The following NPAS3 variants were observed in gnomAD, a reference collection of about 807,000 sequenced individuals.
NPAS3 encodes neuronal PAS domain-containing protein 3.
A neutral mutation model predicts 73.1 loss-of-function variants in NPAS3; 14 were observed. The observed-to-expected ratio is 0.19, with a 90% CI of 0.13 to 0.30. The LOEUF (loss-of-function observed/expected upper bound fraction) is 0.30, where lower values mean the gene tolerates loss of function less well. NPAS3 is among the 10% of genes least tolerant of loss of function. The probability of loss-of-function intolerance (pLI) is 1.00; values close to 1 mark genes in which losing one functional copy is unlikely to be tolerated. For missense variants in NPAS3, 1,096 were observed against 1,250.0 expected (o/e 0.88, Z 1.86); for synonymous variants, 620 against 541.5 (o/e 1.14, Z -2.01).
At chr14:33,369,247 C>G (rs1353719122) in intron 4 of NPAS3, among the ~76,000 whole-genome samples, 1 of 151,906 alleles carries the variant, frequency 6.6e-6, no homozygotes, top group Non-Finnish European at 1.5e-5. Flanking sequence ...CCGACCTAGA[C>G]AGCTGGATGC....
intron 4 of NPAS3, among the ~76,000 whole-genome samples, chr14:33,439,864 C>T (rs2049160023): frequency 6.6e-6 from 1 of 152,108 alleles, no homozygotes; most frequent in Admixed American, 6.5e-5. Context: ...GCCTGTAATC[C>T]CAGCACTTTG....
chr14:33,037,452 C>CTGGA (rs538252062), intron 1 of NPAS3, among the ~76,000 whole-genome samples: 36 of 149,392 alleles, frequency 2.4e-4, no homozygotes, highest in Admixed American at 1.2e-3. Flanking sequence ...TGAGACCAGC[C>CTGGA]TGGACAACAT....
At chr14:33,567,279 G>C (rs2056003391) in intron 5 of NPAS3, among the ~76,000 whole-genome samples, 1 of 152,166 alleles carries the variant, frequency 6.6e-6, no homozygotes, top group Non-Finnish European at 1.5e-5. Context: ...AATTCTGAGT[G>C]AACAAGACGT....
At chr14:33,076,331 T>C (rs2041657668) in intron 2 of NPAS3, among the ~76,000 whole-genome samples, 1 of 152,198 alleles carries the variant, frequency 6.6e-6, no homozygotes, top group Admixed American at 6.5e-5. Flanking sequence ...TATTTTCCCA[T>C]AGATACCATG....
At chr14:33,102,553 A>G (rs1279334) in intron 2 of NPAS3, among the ~76,000 whole-genome samples, 49,456 of 152,102 alleles carry the variant, frequency 0.33, 8,500 homozygotes, top group East Asian at 0.44. Flanking sequence ...TAAGTGCCCA[A>G]TAAATGTTAA....
At chr14:33,063,311 A>T (rs1403612089) in intron 2 of NPAS3, among the ~76,000 whole-genome samples, 3 of 152,240 alleles carry the variant, frequency 2.0e-5, no homozygotes, top group Non-Finnish European at 4.4e-5. Context: ...CTTAGGTATG[A>T]TTATTACCAC....
At chr14:33,063,449 C>A (rs1405123463) in intron 2 of NPAS3, among the ~76,000 whole-genome samples, 1 of 152,068 alleles carries the variant, frequency 6.6e-6, no homozygotes. Flanking sequence ...CTACCCCCAA[C>A]CCCCCAGTTT....
At chr14:32,938,923 C>T (rs1181589302), upstream of NPAS3, among the ~76,000 whole-genome samples, 1 of 145,696 alleles carries the variant, frequency 6.9e-6, no homozygotes, top group African/African-American at 2.5e-5. Flanking sequence ...GGAGCCGGGG[C>T]GGCCCGGGCC....
At chr14:33,525,001 T>A (rs566808043) in intron 4 of NPAS3, among the ~76,000 whole-genome samples, 2 of 152,232 alleles carry the variant, frequency 1.3e-5, no homozygotes, top group East Asian at 3.9e-4. Flanking sequence ...TTAATGGGGG[T>A]TAGTACTTTA....
At chr14:33,073,984 T>C (rs1257745341) in intron 2 of NPAS3, among the ~76,000 whole-genome samples, 2 of 152,256 alleles carry the variant, frequency 1.3e-5, no homozygotes, top group Non-Finnish European at 2.9e-5. Context: ...TGTCATCTCC[T>C]GACTTGTGAA....
chr14:33,149,291 C>T (rs954811251), intron 2 of NPAS3, among the ~76,000 whole-genome samples: 2 of 152,192 alleles, frequency 1.3e-5, no homozygotes, highest in African/African-American at 4.8e-5. Context: ...CCGAAGTGTT[C>T]ATCATTCCTG....
chr14:33,291,739 T>G (rs761046894), intron 3 of NPAS3, among the ~76,000 whole-genome samples: 104 of 152,358 alleles, frequency 6.8e-4, no homozygotes, highest in Non-Finnish European at 2.6e-4. Flanking sequence ...CACAATCATG[T>G]CAACCTGTGA....
intron 3 of NPAS3, among the ~76,000 whole-genome samples, chr14:33,246,537 C>CAAAAAAA (rs56270689): frequency 1.9e-5 from 2 of 103,204 alleles, no homozygotes; most frequent in Non-Finnish European, 1.9e-5. Context: ...GACTTCATCT[C>CAAAAAAA]AAAAAAAAAA....
chr14:33,802,338 T>C (rs1305652637), downstream of NPAS3: 2 of 135,110 alleles, frequency 1.5e-5, no homozygotes, highest in Non-Finnish European at 1.6e-5. Flanking sequence ...GTTAATAAGC[T>C]TCAGACAGAT....
intron 4 of NPAS3, among the ~76,000 whole-genome samples, chr14:33,475,959 C>T (rs2051012387): frequency 6.6e-6 from 1 of 152,164 alleles, no homozygotes; most frequent in Non-Finnish European, 1.5e-5. Context: ...GGACTAGAGC[C>T]TCACTTCCCG....
chr14:33,046,391 C>T (rs1388813530), intron 1 of NPAS3, among the ~76,000 whole-genome samples: 1 of 152,076 alleles, frequency 6.6e-6, no homozygotes, highest in Admixed American at 6.6e-5. Context: ...TTTAGAAAGC[C>T]CATTTCTGAC....
chr14:33,638,128 G>C (rs1019992171), intron 5 of NPAS3, among the ~76,000 whole-genome samples: 3 of 152,230 alleles, frequency 2.0e-5, no homozygotes, highest in Non-Finnish European at 2.9e-5. Flanking sequence ...ATAGCAAAAA[G>C]TATTGGACAT....
intron 2 of NPAS3, among the ~76,000 whole-genome samples, chr14:33,124,132 G>A (rs1442764897): frequency 6.6e-6 from 1 of 152,024 alleles, no homozygotes; most frequent in Non-Finnish European, 1.5e-5. Flanking sequence ...AAGATTACAG[G>A]TGTGAGCCAC....
chr14:33,438,436 A>T (rs1023580318), intron 4 of NPAS3, among the ~76,000 whole-genome samples: 2 of 152,234 alleles, frequency 1.3e-5, no homozygotes, highest in African/African-American at 4.8e-5. Context: ...GGAAAAAAAG[A>T]CATCATAGCA....
Sources: gnomAD v4.1 joint callset for allele counts (sites outside exome capture counted in the v4.1 genomes callset) on GRCh38, gnomAD v4.1.1 for gene constraint, MANE v1.5 for transcripts, NCBI Gene and HGNC (gene_info 2026-07-23, HGNC 2026-07-21) for gene names.